The following ABCC8 variants were observed in gnomAD, a reference collection of about 807,000 sequenced individuals.
The protein encoded by ABCC8 is ATP-binding cassette sub-family C member 8.
In ABCC8, 137 loss-of-function variants were observed where a neutral mutation model predicts 188.0. That is an observed-to-expected ratio of 0.73 (90% confidence interval 0.63 to 0.84). The LOEUF is 0.84. Among genes scored for constraint, ABCC8 ranks in the 40% least tolerant of loss-of-function variants. The pLI, the probability that ABCC8 is intolerant of heterozygous loss-of-function variation, is 0.00. For missense variants in ABCC8, 1,750 were observed against 2,072.7 expected (o/e 0.84, Z 3.02); for synonymous variants, 797 against 846.5 (o/e 0.94, Z 1.01).
At chr11:17,471,392 G>A (rs1848470512) in intron 2 of ABCC8, among the ~76,000 whole-genome samples, 1 of 152,234 alleles carries the variant, frequency 6.6e-6, no homozygotes, top group South Asian at 2.1e-4. Flanking sequence ...AAGGACATGA[G>A]GAGAGCTATC....
rs117189973 is a variant in ABCC8, at chr11:17,428,422, G to A, written c.1924-17C>T. 2,409 of 1,610,500 alleles carry A rather than the reference G, an allele frequency of 1.5e-3. 3 individuals carry two copies. Among genetic ancestry groups the A allele is most frequent in the Non-Finnish European group, 2.0e-3 (2,305 of 1,177,292 alleles). On this transcript the variant is annotated splice_polypyrimidine_tract_variant and intron_variant, in intron 13 of 38. Transcript: ENST00000389817. The stretch of plus-strand genomic sequence containing the variant: ...CCTGAGGGGCTGGGGGTGGTTTGGA[G>A]GTGAGGACCCACTGGGCTGGGAGCT...
chr11:17,432,395 G>A, intron 10 of ABCC8, 151 bp from the exon 11 acceptor site: 2 of 1,474,124 alleles, frequency 1.4e-6, no homozygotes, highest in East Asian at 2.5e-5. Flanking sequence ...TAGCCCTGTG[G>A]CACTTCCAGT....
chr11:17,461,585 C>G lies in ABCC8; in HGVS notation c.820G>C (p.Val274Leu), dbSNP rs1957189905. 2 of 1,614,140 alleles carry G rather than the reference C, an allele frequency of 1.2e-6. No individual in the cohort carries two copies. The highest frequency in any genetic ancestry group is 3.3e-5 in the Admixed American group (2 of 60,016). The change falls in exon 5 of 39, where the codon GTG (valine) becomes CTG (leucine). Residue 274 changes from valine (V) to leucine (L), a missense_variant and splice_region_variant. Physicochemically the swap from Val to Leu is conservative, Grantham distance 32. Transcript: ENST00000389817. ...GGTGTGGCTGTGCCCCCACTGACCA[C>G]CTGGGCGTCAAAGGCCTCGCAGAGC... is the stretch of plus-strand genomic sequence containing the variant. The part of the protein sequence containing the change: ...QRLCEAFDAQ[V>L]RKDIQGTQGA...
At chr11:17,400,890 A>G (rs945906999) in intron 29 of ABCC8, among the ~76,000 whole-genome samples, 2 of 152,274 alleles carry the variant, frequency 1.3e-5, no homozygotes, top group Non-Finnish European at 2.9e-5. Flanking sequence ...TGGGCAATCA[A>G]TAAGTGCTAA....
chr11:17,470,276 G>T, intron 2 of ABCC8, 54 bp from the exon 3 acceptor site: 1 of 1,611,854 alleles, frequency 6.2e-7, no homozygotes, highest in Non-Finnish European at 8.5e-7. Context: ...TACTGCAATA[G>T]AGCAGCCCAG....
chr11:17,415,512 T>C (rs1955028545), intron 17 of ABCC8, 173 bp from the exon 18 acceptor site: 1 of 938,388 alleles, frequency 1.1e-6, no homozygotes, highest in Non-Finnish European at 1.3e-6. Flanking sequence ...GTGCCCATCT[T>C]GGGGAAGCCT....
intron 10 of ABCC8, among the ~76,000 whole-genome samples, chr11:17,441,338 G>A (rs569645724): frequency 6.6e-6 from 1 of 152,162 alleles, no homozygotes; most frequent in South Asian, 2.1e-4. Context: ...GGGATCTCAG[G>A]AACACACTCC....
chr11:17,464,917 T>G (rs1027734914), intron 3 of ABCC8, among the ~76,000 whole-genome samples: 1 of 152,160 alleles, frequency 6.6e-6, no homozygotes, highest in Admixed American at 6.5e-5. Context: ...CTGCCCTCTA[T>G]CCCTATGTGG....
intron 33 of ABCC8, chr11:17,396,675 T>C: frequency 3.6e-6 from 2 of 555,496 alleles, no homozygotes; most frequent in Non-Finnish European, 6.4e-6. Flanking sequence ...GAGTCCAGAG[T>C]GTCGGTCTCC....
chr11:17,463,414 C>T (rs1847945697), intron 4 of ABCC8, 24 bp downstream of exon 4: 3 of 1,584,296 alleles, frequency 1.9e-6, no homozygotes, highest in African/African-American at 2.7e-5. Flanking sequence ...TCCCACCCCA[C>T]CCTGGCCCAG....
intron 22 of ABCC8, among the ~76,000 whole-genome samples, chr11:17,409,653 C>T (rs1411992202): frequency 6.6e-6 from 1 of 152,124 alleles, no homozygotes; most frequent in Non-Finnish European, 1.5e-5. Context: ...TGGCACCAGC[C>T]TGAAGCTCAA....
At chr11:17,457,109 G>A (rs1216781240) in intron 6 of ABCC8, among the ~76,000 whole-genome samples, 1 of 152,200 alleles carries the variant, frequency 6.6e-6, no homozygotes, top group Non-Finnish European at 1.5e-5. Flanking sequence ...ATTGAAGGCA[G>A]GTACTCTAGG....
At chr11:17,475,879 T>C (rs2133733283) in intron 1 of ABCC8, among the ~76,000 whole-genome samples, 1 of 152,236 alleles carries the variant, frequency 6.6e-6, no homozygotes, top group Non-Finnish European at 1.5e-5. Context: ...AGAGTCAAGG[T>C]CTTGGAGAGA....
At chr11:17,452,972 T>A in intron 7 of ABCC8, 147 bp downstream of exon 7, 1 of 813,714 alleles carries the variant, frequency 1.2e-6, no homozygotes. Flanking sequence ...TGTCAATGGT[T>A]ACTGTTTTAA....
At chr11:17,460,340 C>A in intron 6 of ABCC8, 148 bp downstream of exon 6, 1 of 1,272,324 alleles carries the variant, frequency 7.9e-7, no homozygotes, top group South Asian at 1.2e-5. Flanking sequence ...GTAGAGTATT[C>A]TGTGGTGGGG....
At chr11:17,398,609 C>T in intron 29 of ABCC8, 168 bp from the exon 30 acceptor site, 1 of 1,360,884 alleles carries the variant, frequency 7.3e-7, no homozygotes, top group Non-Finnish European at 1.0e-6. Flanking sequence ...CCACTCCTTT[C>T]TGCTTATTCA....
chr11:17,475,691 A>G (rs1302161474), intron 1 of ABCC8, among the ~76,000 whole-genome samples: 2 of 152,256 alleles, frequency 1.3e-5, no homozygotes, highest in African/African-American at 2.4e-5. Context: ...GTCTTTGTTA[A>G]TAACTAGCAA....
chr11:17,440,720 C>T (rs1204549972), intron 10 of ABCC8, among the ~76,000 whole-genome samples: 2 of 152,274 alleles, frequency 1.3e-5, no homozygotes, highest in South Asian at 4.1e-4. Flanking sequence ...ACCACATTCC[C>T]TGCCTGAGGC....
At chr11:17,437,988 C>A (rs150179536) in intron 10 of ABCC8, among the ~76,000 whole-genome samples, 3,099 of 152,294 alleles carry the variant, frequency 0.02, 43 homozygotes, top group Non-Finnish European at 0.032. Context: ...GTAATCCCAG[C>A]TACTTGGGAG....
Sources: gnomAD v4.1 joint callset for allele counts (sites outside exome capture counted in the v4.1 genomes callset) on GRCh38, gnomAD v4.1.1 for gene constraint, MANE v1.5 for transcripts, NCBI Gene and HGNC (gene_info 2026-07-23, HGNC 2026-07-21) for gene names.